The following PCDHGB3 variants were observed in gnomAD, a reference collection of about 807,000 sequenced individuals.
The protein encoded by PCDHGB3 is protocadherin gamma subfamily B, 3, also known as protocadherin gamma-B3.
Under a neutral mutation model 59.2 loss-of-function variants are expected in PCDHGB3, and 40 were observed. The ratio of observed to expected loss-of-function variants is 0.68; its 90% confidence interval spans 0.52 to 0.88. The LOEUF (loss-of-function observed/expected upper bound fraction) is 0.88, where lower values mean the gene tolerates loss of function less well. Among genes scored for constraint, PCDHGB3 ranks in the 40% least tolerant of loss-of-function variants. The pLI is 0.00. For synonymous variants in PCDHGB3, 581 were observed against 503.6 expected (o/e 1.15, Z -2.06); for missense variants, 1,309 against 1,187.9 (o/e 1.10, Z -1.50).
chr5:141,496,511 C>T (rs1161285563), intron 2 of PCDHGB3, among the ~76,000 whole-genome samples: 1 of 152,182 alleles, frequency 6.6e-6, no homozygotes, highest in Non-Finnish European at 1.5e-5. Flanking sequence ...CACAAGGACC[C>T]AGGAGCCCTT....
At chr5:141,384,676 G>A in intron 1 of PCDHGB3, 4 of 1,614,214 alleles carry the variant, frequency 2.5e-6, no homozygotes, top group Non-Finnish European at 3.4e-6. Flanking sequence ...CAAGGTGGTG[G>A]CGGTGGACAA....
chr5:141,482,049 C>G (rs1456071625), intron 1 of PCDHGB3, among the ~76,000 whole-genome samples: 2 of 149,284 alleles, frequency 1.3e-5, no homozygotes, highest in Non-Finnish European at 3.0e-5. Context: ...CATGCTGTTG[C>G]ATTCCAGCCT....
intron 1 of PCDHGB3, among the ~76,000 whole-genome samples, chr5:141,443,202 C>T (rs546748238): frequency 2.6e-5 from 4 of 152,172 alleles, no homozygotes; most frequent in Non-Finnish European, 1.5e-5. Flanking sequence ...GTACAAAGAG[C>T]TTGTCTCGCC....
At chr5:141,409,294 G>T (rs1438036410) in intron 1 of PCDHGB3, 11 of 1,613,826 alleles carry the variant, frequency 6.8e-6, no homozygotes, top group South Asian at 1.1e-5. Flanking sequence ...CTCCAGGAAT[G>T]GTTGTTGCCC....
chr5:141,390,157 G>A, intron 1 of PCDHGB3: 3 of 1,614,020 alleles, frequency 1.9e-6, no homozygotes, highest in Middle Eastern at 3.3e-4. Context: ...GCACATACAG[G>A]AAAGACGGAG....
At chr5:141,403,631 C>T (rs751580878) in intron 1 of PCDHGB3, 8 of 1,613,912 alleles carry the variant, frequency 5.0e-6, no homozygotes, top group South Asian at 2.2e-5. Context: ...CAGCACAGTG[C>T]GCATCCATGT....
At position 141,485,260 on chromosome 5, in the gene PCDHGB3, G is replaced by A. The variant is rs773919574; in HGVS notation, c.2416-9547G>A. On this transcript the variant is annotated intron_variant, in intron 1 of 3. Transcript: ENST00000576222. This position sits in a 1 kb window ranked among gnomAD's most constrained non-coding sequence, Gnocchi z 5.7. ...TTTACCACCTGGGTTACGTTTGTGG[G>A]CAGATCCGCTACCCGGTCCCAGAGG... The A allele has an allele frequency of 8.7e-6, 14 of 1,614,002 alleles. No individual in the cohort carries two copies. In the African/African-American group the frequency reaches 1.5e-4, roughly 17 times the overall value.
At chr5:141,414,856 G>C (rs1269714202) in intron 1 of PCDHGB3, 2 of 1,614,216 alleles carry the variant, frequency 1.2e-6, no homozygotes, top group Non-Finnish European at 8.5e-7. Flanking sequence ...GGACCAGAAC[G>C]ACAATGCGCC....
chr5:141,426,768 G>A (rs2096959269), intron 1 of PCDHGB3: 1 of 456,516 alleles, frequency 2.2e-6, no homozygotes, highest in Non-Finnish European at 4.4e-6. Flanking sequence ...TGCAGATGTA[G>A]GGCCTCACTC....
intron 1 of PCDHGB3, among the ~76,000 whole-genome samples, chr5:141,474,511 C>T (rs2099350824): frequency 6.6e-6 from 1 of 152,202 alleles, no homozygotes; most frequent in Non-Finnish European, 1.5e-5. Context: ...TATCAGCCCT[C>T]TTGCTGGTCT....
intron 1 of PCDHGB3, chr5:141,383,690 T>C: frequency 1.9e-6 from 3 of 1,614,010 alleles, no homozygotes; most frequent in Non-Finnish European, 2.5e-6. Flanking sequence ...CTGCTCACGG[T>C]ACATGCTATC....
chr5:141,437,388 C>T (rs1434464979), intron 1 of PCDHGB3, among the ~76,000 whole-genome samples: 1 of 152,186 alleles, frequency 6.6e-6, no homozygotes, highest in Non-Finnish European at 1.5e-5. Context: ...AGACATTCAT[C>T]CACTGCTTTC....
intron 1 of PCDHGB3, chr5:141,402,983 G>A (rs748129276): frequency 6.2e-6 from 10 of 1,609,166 alleles, no homozygotes; most frequent in African/African-American, 1.3e-5. Flanking sequence ...CCAGCTCCGC[G>A]GAAGATTAGT....
chr5:141,417,776 C>T (rs2096161387), intron 1 of PCDHGB3: 1 of 1,469,712 alleles, frequency 6.8e-7, no homozygotes, highest in South Asian at 1.4e-5. Context: ...CTCCTCCTGT[C>T]CTGGGCCGAA....
chr5:141,450,280 T>C (rs1374970772), intron 1 of PCDHGB3, among the ~76,000 whole-genome samples: 2 of 152,166 alleles, frequency 1.3e-5, no homozygotes, highest in African/African-American at 4.8e-5. Context: ...AGCTAAGTGC[T>C]GGGATTACAG....
chr5:141,419,447 C>T (rs754931078), intron 1 of PCDHGB3: 8 of 1,613,016 alleles, frequency 5.0e-6, no homozygotes, highest in Non-Finnish European at 4.2e-6. Flanking sequence ...CACCTTCGAG[C>T]TCACGCTGCA....
rs781026604 is a variant in PCDHGB3, at chr5:141,490,471, C to A, written c.2416-4336C>A. The A allele has an allele frequency of 6.2e-7, 1 of 1,614,214 alleles. No individual in the cohort carries two copies. The highest frequency in any genetic ancestry group is 1.1e-5 in the South Asian group (1 of 91,088). On this transcript the variant is annotated intron_variant, in intron 1 of 3. Transcript: ENST00000576222. This position sits in a 1 kb window ranked among gnomAD's most constrained non-coding sequence, Gnocchi z 5.4. ...CCACTACTCGCTGCTAACCAGCCAGCCTTTGGACCGGGAGGCCACATCCCA... is the reference window on the plus strand; with the variant it reads ...CCACTACTCGCTGCTAACCAGCCAGACTTTGGACCGGGAGGCCACATCCCA...
chr5:141,479,631 A>G (rs191955216), intron 1 of PCDHGB3: 1 of 152,282 alleles, frequency 6.6e-6, no homozygotes, highest in Non-Finnish European at 1.5e-5. Context: ...TCTCTTTAAC[A>G]ATAACAACAA....
Position 141,371,133 on chromosome 5 carries a change from T to C in PCDHGB3, c.739T>C (p.Tyr247His), listed in dbSNP as rs772495360. ...CCCCCCAGTATTTACTCAGGACATG[T>C]ACAGGGTCAATGTTGCAGAGAACCT... ...DNPPVFTQDM[Y>H]RVNVAENLPA... The change falls in exon 1 of 4, where the codon TAC (tyrosine) becomes CAC (histidine). Residue 247 changes from tyrosine (Y) to histidine (H), a missense_variant. Coordinates refer to ENST00000576222, the MANE Select transcript of PCDHGB3 (RefSeq NM_018924.5). The C allele has an allele frequency of 6.2e-7, 1 of 1,614,000 alleles. No homozygotes were observed. Among genetic ancestry groups the C allele is most frequent in the Non-Finnish European group, 8.5e-7 (1 of 1,179,896 alleles).
Sources: allele counts gnomAD v4.1 joint callset (sites outside exome capture counted in the v4.1 genomes callset), GRCh38; gene constraint gnomAD v4.1.1; non-coding constraint Gnocchi (gnomAD v3.1); transcripts MANE v1.5; gene names NCBI Gene and HGNC (gene_info 2026-07-23, HGNC 2026-07-21).